Variants in CLSTN2 observed in about 807,000 individuals in gnomAD.
CLSTN2 encodes the protein calsyntenin-2.
CLSTN2 carries 48 observed loss-of-function variants against 101.2 expected under a neutral mutation model. The observed-to-expected ratio is 0.47, with a 90% CI of 0.38 to 0.60. CLSTN2 has a LOEUF of 0.60. Ranked by LOEUF, CLSTN2 falls within the 20% of genes least tolerant of loss-of-function variation. The pLI is 0.00. For missense variants in CLSTN2, 1,160 were observed against 1,238.2 expected (o/e 0.94, Z 0.95); for synonymous variants, 481 against 463.6 (o/e 1.04, Z -0.48).
intron 1 of CLSTN2, among the ~76,000 whole-genome samples, chr3:139,972,773 G>A (rs776065936): frequency 1.6e-4 from 24 of 152,216 alleles, no homozygotes; most frequent in South Asian, 1.0e-3. Flanking sequence ...GCTGCCTTCC[G>A]CCAGGAAGAA....
intron 2 of CLSTN2, among the ~76,000 whole-genome samples, chr3:140,363,630 C>G (rs1283110055): frequency 1.1e-4 from 16 of 152,184 alleles, no homozygotes; most frequent in Admixed American, 1.0e-3. Context: ...GTTCTGTCTT[C>G]ATTTGCATTT....
At chr3:140,095,805 T>A (rs1413364448) in intron 1 of CLSTN2, among the ~76,000 whole-genome samples, 1 of 152,108 alleles carries the variant, frequency 6.6e-6, no homozygotes, top group Non-Finnish European at 1.5e-5. Flanking sequence ...GTCTCTTTAG[T>A]GCTATGTTTT....
intron 1 of CLSTN2, among the ~76,000 whole-genome samples, chr3:140,163,655 A>T (rs1173233980): frequency 6.6e-6 from 1 of 151,324 alleles, no homozygotes; most frequent in Non-Finnish European, 1.5e-5. Flanking sequence ...TCTTGTGGGG[A>T]GAAGGATGAC....
At chr3:139,959,360 A>C (rs1935463334) in intron 1 of CLSTN2, among the ~76,000 whole-genome samples, 1 of 152,106 alleles carries the variant, frequency 6.6e-6, no homozygotes, top group Non-Finnish European at 1.5e-5. Flanking sequence ...CCTCTCTTTG[A>C]GGTACATAGT....
chr3:140,231,722 C>T (rs2086373526), intron 2 of CLSTN2, among the ~76,000 whole-genome samples: 1 of 152,176 alleles, frequency 6.6e-6, no homozygotes, highest in African/African-American at 2.4e-5. Flanking sequence ...CTCTAAGATC[C>T]ATTTGAGTAG....
chr3:140,135,087 A>AC (rs1553801553), intron 1 of CLSTN2, among the ~76,000 whole-genome samples: 981 of 50,642 alleles, frequency 0.019, 12 homozygotes, highest in East Asian at 0.032. Flanking sequence ...CTCTCAAAAA[A>AC]ACACACACAC....
intron 10 of CLSTN2, among the ~76,000 whole-genome samples, chr3:140,550,994 T>C (rs988185260): frequency 3.4e-4 from 51 of 152,094 alleles, no homozygotes; most frequent in African/African-American, 1.1e-3. Context: ...GGGGCTATTG[T>C]ATGTTCATTA....
At chr3:140,546,828 T>C in intron 10 of CLSTN2, 147 bp downstream of exon 10, 2 of 690,562 alleles carry the variant, frequency 2.9e-6, no homozygotes, top group Non-Finnish European at 2.4e-6. Context: ...GAGATGGGGG[T>C]TCCGGAGGGA....
At chr3:140,495,196 G>A (rs545887918) in intron 8 of CLSTN2, among the ~76,000 whole-genome samples, 3 of 152,250 alleles carry the variant, frequency 2.0e-5, no homozygotes, top group African/African-American at 7.2e-5. Flanking sequence ...GTTTTGACTT[G>A]CATTTCTCTA....
At chr3:140,386,666 T>C (rs774142255) in intron 2 of CLSTN2, among the ~76,000 whole-genome samples, 2 of 152,108 alleles carry the variant, frequency 1.3e-5, no homozygotes, top group Non-Finnish European at 2.9e-5. Context: ...TGCTGAGCCA[T>C]GCTCTGTCTC....
chr3:139,993,391 G>T (rs924430054), intron 1 of CLSTN2, among the ~76,000 whole-genome samples: 1 of 152,076 alleles, frequency 6.6e-6, no homozygotes, highest in Non-Finnish European at 1.5e-5. Context: ...CCTGTCCTGG[G>T]GATACTGGGT....
intron 1 of CLSTN2, among the ~76,000 whole-genome samples, chr3:140,107,968 C>T (rs2009090717): frequency 6.6e-6 from 1 of 152,176 alleles, no homozygotes. Context: ...AATTTGGGAC[C>T]TTGATCTGAG....
At chr3:140,174,402 C>T (rs2107827942) in intron 1 of CLSTN2, among the ~76,000 whole-genome samples, 1 of 152,304 alleles carries the variant, frequency 6.6e-6, no homozygotes, top group Middle Eastern at 3.4e-3. Context: ...TCAAACTTTC[C>T]CACATTTTCC....
At chr3:140,348,294 G>A (rs974593587) in intron 2 of CLSTN2, among the ~76,000 whole-genome samples, 1 of 152,130 alleles carries the variant, frequency 6.6e-6, no homozygotes, top group African/African-American at 2.4e-5. Context: ...TTCGTGCATT[G>A]AATCCCAAAA....
rs558957991 is a variant in CLSTN2 at position 139,954,568 on chromosome 3, A to G, written c.109+19085A>G. ...ACCCTTTGGAGGTGAAATGACTTGA[A>G]TTAAGTTGAGTGCCTGCAGCCTACA... On this transcript the variant is annotated intron_variant, in intron 1 of 16. Transcript: ENST00000458420. 2.0e-5 allele frequency among the ~76,000 whole-genome samples: 3 copies of G among 152,252 alleles called. No homozygotes were observed. The South Asian group carries it at 6.2e-4, about 32-fold the overall frequency.
intron 2 of CLSTN2, among the ~76,000 whole-genome samples, chr3:140,184,986 T>C (rs1238616279): frequency 1.3e-5 from 2 of 152,152 alleles, no homozygotes; most frequent in Admixed American, 6.6e-5. Flanking sequence ...GTGTGGCCCA[T>C]AGCAATTCTG....
intron 1 of CLSTN2, among the ~76,000 whole-genome samples, chr3:140,044,532 G>A (rs1206356020): frequency 6.6e-6 from 1 of 152,056 alleles, no homozygotes; most frequent in Non-Finnish European, 1.5e-5. Context: ...TCTTTCTCCT[G>A]CCTGATTGCC....
intron 1 of CLSTN2, among the ~76,000 whole-genome samples, chr3:140,171,535 T>C (rs1447102895): frequency 1.3e-5 from 2 of 149,388 alleles, no homozygotes; most frequent in East Asian, 3.9e-4. Context: ...CTCTCAATTC[T>C]ATAAGCTCTC....
chr3:140,412,749 GA>G (rs1198337915), intron 4 of CLSTN2, among the ~76,000 whole-genome samples: 2 of 152,258 alleles, frequency 1.3e-5, no homozygotes, highest in Admixed American at 6.5e-5. Flanking sequence ...CAAAAAGCTA[GA>G]AAATTCACAA....
Sources: allele counts gnomAD v4.1 joint callset (sites outside exome capture counted in the v4.1 genomes callset), GRCh38; gene constraint gnomAD v4.1.1; transcripts MANE v1.5; gene names NCBI Gene and HGNC (gene_info 2026-07-23, HGNC 2026-07-21).